ERG: variants seen among roughly 807,000 people sequenced by gnomAD.
ERG encodes transcriptional regulator ERG.
Under a neutral mutation model 55.3 loss-of-function variants are expected in ERG, and 9 were observed. The ratio of observed to expected loss-of-function variants is 0.16; its 90% CI spans 0.10 to 0.28. The LOEUF (loss-of-function observed/expected upper bound fraction) is 0.28, where lower values mean the gene tolerates loss of function less well. Among genes scored for constraint, ERG ranks in the 10% least tolerant of loss-of-function variants. The pLI is 1.00. For missense variants in ERG, 434 were observed against 631.6 expected, an observed-to-expected ratio of 0.69 and a Z score of 3.35; for synonymous variants, 223 against 237.3, an observed-to-expected ratio of 0.94 and a Z score of 0.55.
intron 2 of ERG, among the ~76,000 whole-genome samples, chr21:38,515,731 A>G (rs2059546905): frequency 6.6e-6 from 1 of 151,898 alleles, no homozygotes; most frequent in Non-Finnish European, 1.5e-5. Flanking sequence ...AGCAAAAGCT[A>G]TCAACAAAAT....
chr21:38,626,094 G>T (rs781077545), intron 1 of ERG, among the ~76,000 whole-genome samples: 1 of 151,710 alleles, frequency 6.6e-6, no homozygotes, highest in Non-Finnish European at 1.5e-5. Flanking sequence ...GCTAATTTTT[G>T]TATTTTTAGT....
At chr21:38,387,983 G>C (rs1361296028) in intron 9 of ERG, among the ~76,000 whole-genome samples, 1 of 152,198 alleles carries the variant, frequency 6.6e-6, no homozygotes, top group Non-Finnish European at 1.5e-5. Context: ...TTTCAGGCCT[G>C]GTTTATGCAC....
At chr21:38,402,453 G>T in intron 5 of ERG, 104 bp downstream of exon 5, 1 of 784,138 alleles carries the variant, frequency 1.3e-6, no homozygotes, top group Non-Finnish European at 2.1e-6. Flanking sequence ...ATCTACCTGC[G>T]TTCTGTCTTC....
At chr21:38,396,759 C>T (rs1186743595) in intron 6 of ERG, among the ~76,000 whole-genome samples, 1 of 152,044 alleles carries the variant, frequency 6.6e-6, no homozygotes, top group Non-Finnish European at 1.5e-5. Context: ...CTGTTTTTGC[C>T]ACTTTTTCCC....
chr21:38,466,300 G>GTGTGTGTGTGT (rs2059088397), intron 1 of ERG, among the ~76,000 whole-genome samples: 3 of 140,684 alleles, frequency 2.1e-5, no homozygotes, highest in South Asian at 2.4e-4. Flanking sequence ...GATGGTCTGG[G>GTGTGTGTGTGT]GTGTGTGTGT....
chr21:38,538,011 C>T (rs2059724274), intron 2 of ERG, among the ~76,000 whole-genome samples: 1 of 152,100 alleles, frequency 6.6e-6, no homozygotes. Context: ...CACAGATGGA[C>T]CTTTGGAAAG....
chr21:38,538,940 C>A (rs2059731270), intron 2 of ERG, among the ~76,000 whole-genome samples: 1 of 152,150 alleles, frequency 6.6e-6, no homozygotes. Flanking sequence ...AGGGCCTGTC[C>A]AAGACAACTA....
At chr21:38,499,118 A>G (rs2836442), upstream of ERG, among the ~76,000 whole-genome samples, 55,090 of 152,116 alleles carry the variant, frequency 0.36, 10,275 homozygotes, top group East Asian at 0.47. Context: ...CAGTAAACAC[A>G]AAAAATAAAG....
intron 1 of ERG, among the ~76,000 whole-genome samples, chr21:38,495,991 C>G (rs1263550698): frequency 6.6e-6 from 1 of 152,212 alleles, no homozygotes; most frequent in Non-Finnish European, 1.5e-5. Flanking sequence ...TTTACTAGAA[C>G]TCTTAAGCTG....
At chr21:38,624,974 GAATA>G (rs1436334121) in intron 1 of ERG, among the ~76,000 whole-genome samples, 2 of 151,560 alleles carry the variant, frequency 1.3e-5, no homozygotes, top group African/African-American at 2.4e-5. Context: ...TTGAATGAAT[GAATA>G]AATGTATGAA....
intron 2 of ERG, among the ~76,000 whole-genome samples, chr21:38,539,852 T>C (rs2146792393): frequency 6.6e-6 from 1 of 151,890 alleles, no homozygotes; most frequent in Middle Eastern, 3.5e-3. Context: ...AGTCCTTCTT[T>C]GACTCATCAC....
At chr21:38,411,382 A>G (rs1989038387) in intron 3 of ERG, among the ~76,000 whole-genome samples, 2 of 152,286 alleles carry the variant, frequency 1.3e-5, no homozygotes, top group South Asian at 2.1e-4. Flanking sequence ...CAGTGGCATG[A>G]TCTGGGCTCA....
intron 1 of ERG, among the ~76,000 whole-genome samples, chr21:38,478,432 G>A (rs188643439): frequency 2.0e-5 from 3 of 152,108 alleles, no homozygotes; most frequent in Non-Finnish European, 4.4e-5. Context: ...CACTGGCCTG[G>A]TTCTCCCAGG....
intron 1 of ERG, among the ~76,000 whole-genome samples, chr21:38,649,246 G>A (rs976269810): frequency 6.6e-6 from 1 of 152,186 alleles, no homozygotes; most frequent in Non-Finnish European, 1.5e-5. Flanking sequence ...GCAGCACCCA[G>A]GGGGCTTCTG....
At chr21:38,470,810 A>T (rs1263892491) in intron 1 of ERG, 1 of 152,232 alleles carries the variant, frequency 6.6e-6, no homozygotes. Context: ...GTCATACAGA[A>T]GTAGAAGATT....
At chr21:38,589,707 A>C (rs1401174085), upstream of ERG, among the ~76,000 whole-genome samples, 1 of 152,192 alleles carries the variant, frequency 6.6e-6, no homozygotes, top group Admixed American at 6.5e-5. Flanking sequence ...AGGTCACCTG[A>C]GGATAAAACC....
intron 1 of ERG, among the ~76,000 whole-genome samples, chr21:38,486,443 T>A (rs550206186): frequency 2.2e-4 from 34 of 152,172 alleles, no homozygotes; most frequent in African/African-American, 7.7e-4. Context: ...GTTTGCACGA[T>A]GAAATCATCT....
chr21:38,661,028 G>A (rs1329091781), intron 1 of ERG, among the ~76,000 whole-genome samples: 1 of 151,910 alleles, frequency 6.6e-6, no homozygotes, highest in Non-Finnish European at 1.5e-5. Context: ...GGCGGAGGAG[G>A]AGGAAGAGGA....
intron 6 of ERG, among the ~76,000 whole-genome samples, chr21:38,393,125 A>G (rs1988053434): frequency 6.6e-6 from 1 of 152,220 alleles, no homozygotes; most frequent in East Asian, 1.9e-4. Context: ...CTGAAATAGT[A>G]TTGCTCCCAC....
Sources: allele counts gnomAD v4.1 joint callset (sites outside exome capture counted in the v4.1 genomes callset), GRCh38; gene constraint gnomAD v4.1.1; transcripts MANE v1.5; gene names NCBI Gene and HGNC (gene_info 2026-07-23, HGNC 2026-07-21).